Variants in DLGAP2 observed in about 807,000 individuals in gnomAD.
DLGAP2 encodes the protein disks large-associated protein 2.
Under a neutral mutation model 100.3 loss-of-function variants are expected in DLGAP2, and 26 were observed. The ratio of observed to expected loss-of-function variants is 0.26; its 90% CI spans 0.19 to 0.36. The LOEUF is 0.36. Ranked by LOEUF, DLGAP2 falls within the 10% of genes least tolerant of loss-of-function variation. DLGAP2 has a pLI of 1.00. For synonymous variants in DLGAP2, 886 were observed against 630.1 expected, an observed-to-expected ratio of 1.41 and a Z score of -6.08; for missense variants, 1,858 against 1,453.2, an observed-to-expected ratio of 1.28 and a Z score of -4.53.
intron 5 of DLGAP2, among the ~76,000 whole-genome samples, chr8:1,556,258 C>T (rs1420051600): frequency 2.0e-5 from 3 of 152,172 alleles, no homozygotes; most frequent in Non-Finnish European, 4.4e-5. Context: ...AGATGGGGTC[C>T]GGCTCTGTCC....
At chr8:1,202,912 G>A (rs768478983) in intron 2 of DLGAP2, among the ~76,000 whole-genome samples, 19 of 152,334 alleles carry the variant, frequency 1.2e-4, no homozygotes, top group African/African-American at 3.1e-4. Context: ...CAAGGCGCAC[G>A]CATTTTTCAC....
Position 1,049,790 on chromosome 8 carries a change from G to A in DLGAP2, c.73+141824G>A, listed in dbSNP as rs113785591. Reference sequence around the variant, plus strand: ...TAGACACAGGCACATGCACACATGAGTGCAGGCAGTAACAGGTGTGCATAC... The same window carrying A: ...TAGACACAGGCACATGCACACATGAATGCAGGCAGTAACAGGTGTGCATAC... On this transcript the variant is annotated intron_variant, in intron 2 of 14. Coordinates refer to ENST00000637795, the MANE Select transcript of DLGAP2 (RefSeq NM_001346810.2). Among the ~76,000 whole-genome samples the A allele has an allele frequency of 8.5e-3, 1,292 of 152,224 alleles. 21 individuals are homozygous for A. The highest frequency in any genetic ancestry group is 0.028 in the African/African-American group (1,180 of 41,516).
At chr8:1,136,720 G>A (rs538537324) in intron 2 of DLGAP2, among the ~76,000 whole-genome samples, 5 of 152,312 alleles carry the variant, frequency 3.3e-5, no homozygotes, top group Admixed American at 1.3e-4. Flanking sequence ...GGAACCACCC[G>A]AAGCCAGCTC....
chr8:1,079,411 T>C (rs569541537), intron 2 of DLGAP2, among the ~76,000 whole-genome samples: 1 of 152,350 alleles, frequency 6.6e-6, no homozygotes, highest in South Asian at 2.1e-4. Flanking sequence ...TAAGTTCTTC[T>C]GCATTATTTT....
rs144161638 is a variant in DLGAP2 at position 863,509 on chromosome 8, C to G, written c.19-44403C>G. Among the ~76,000 whole-genome samples, 622 of 152,328 alleles carry G rather than the reference C, an allele frequency of 4.1e-3. 3 individuals are homozygous for G. The highest frequency in any genetic ancestry group is 0.02 in the Middle Eastern group (6 of 294). ...CACTTGGAATTAAAATTTCAGGATG[C>G]TGGATATTAACCGCTGTCAGATGCA... On this transcript the variant is annotated intron_variant, in intron 1 of 14. Transcript: ENST00000637795.
chr8:977,440 C>T (rs2129013408), intron 2 of DLGAP2, among the ~76,000 whole-genome samples: 1 of 152,334 alleles, frequency 6.6e-6, no homozygotes, highest in East Asian at 1.9e-4. Context: ...AACTAGGTTT[C>T]TGACCCCTGT....
chr8:1,428,863 C>G (rs972569242), intron 3 of DLGAP2, among the ~76,000 whole-genome samples: 1 of 152,212 alleles, frequency 6.6e-6, no homozygotes, highest in Non-Finnish European at 1.5e-5. Context: ...TGCTCACTCA[C>G]CAGCTAGGTG....
chr8:1,407,909 G>C (rs1796615483), intron 3 of DLGAP2, among the ~76,000 whole-genome samples: 1 of 151,586 alleles, frequency 6.6e-6, no homozygotes, highest in African/African-American at 2.4e-5. Flanking sequence ...ATTGAGTGCT[G>C]ACTGAGTACC....
chr8:902,951 C>T (rs1485032979), intron 1 of DLGAP2, among the ~76,000 whole-genome samples: 1 of 41,642 alleles, frequency 2.4e-5, no homozygotes, highest in African/African-American at 1.0e-4. Context: ...TGGGTGGGGG[C>T]GGGGGCGGTG....
intron 3 of DLGAP2, among the ~76,000 whole-genome samples, chr8:1,470,046 C>G (rs529170737): frequency 1.1e-3 from 165 of 152,040 alleles, no homozygotes; most frequent in Middle Eastern, 6.8e-3. Context: ...CCTGCGATCC[C>G]AGCTGCTCAT....
intron 6 of DLGAP2, among the ~76,000 whole-genome samples, chr8:1,587,123 A>G (rs1252608173): frequency 3.9e-5 from 6 of 152,260 alleles, no homozygotes; most frequent in Non-Finnish European, 7.3e-5. Flanking sequence ...AAAACATCCT[A>G]CTTCCAAAGG....
intron 2 of DLGAP2, among the ~76,000 whole-genome samples, chr8:1,150,671 T>C (rs1796683069): frequency 6.6e-6 from 1 of 152,220 alleles, no homozygotes; most frequent in Admixed American, 6.5e-5. Flanking sequence ...TGGAGGTTAT[T>C]CTAATGCTAG....
At chr8:1,633,602 C>T (rs1476794430) in intron 8 of DLGAP2, among the ~76,000 whole-genome samples, 3 of 152,140 alleles carry the variant, frequency 2.0e-5, no homozygotes, top group African/African-American at 4.8e-5. Flanking sequence ...GAAAATTTAC[C>T]GCCCAACCTA....
chr8:910,098 G>A (rs1798455054), intron 2 of DLGAP2, among the ~76,000 whole-genome samples: 1 of 152,200 alleles, frequency 6.6e-6, no homozygotes, highest in Admixed American at 6.5e-5. Context: ...GATGGAGGGT[G>A]GGGACGGCTG....
chr8:1,287,482 GTGTGTGTGTGTGTGGTTCT>G (rs1799953902), intron 3 of DLGAP2, among the ~76,000 whole-genome samples: 1 of 53,832 alleles, frequency 1.9e-5, no homozygotes, highest in African/African-American at 1.3e-4. Context: ...GTGTGTGTGT[GTGTGTGTGTGTGTGGTTCT>G]GTTAGGAGGG....
intron 2 of DLGAP2, chr8:1,250,690 C>G (rs1216661850): frequency 6.6e-6 from 1 of 152,056 alleles, no homozygotes; most frequent in Non-Finnish European, 1.5e-5. Flanking sequence ...TAAAGCCAGT[C>G]ACTCCTGGGT....
intron 1 of DLGAP2, among the ~76,000 whole-genome samples, chr8:857,727 G>A (rs1331656111): frequency 1.3e-5 from 2 of 152,128 alleles, no homozygotes; most frequent in Non-Finnish European, 2.9e-5. Flanking sequence ...CCTCACTGTG[G>A]GGAGTGCAAA....
At chr8:1,298,709 C>G (rs1040023711) in intron 3 of DLGAP2, among the ~76,000 whole-genome samples, 1 of 152,142 alleles carries the variant, frequency 6.6e-6, no homozygotes, top group Admixed American at 6.5e-5. Flanking sequence ...TGCATGCATG[C>G]CAGAGGGGAA....
chr8:1,579,398 A>G (rs948158186), intron 6 of DLGAP2, among the ~76,000 whole-genome samples: 18 of 152,286 alleles, frequency 1.2e-4, no homozygotes, highest in African/African-American at 3.6e-4. Context: ...GTATCTGGGC[A>G]TGATTCCATG....
Sources: allele counts gnomAD v4.1 joint callset (sites outside exome capture counted in the v4.1 genomes callset), GRCh38; gene constraint gnomAD v4.1.1; transcripts MANE v1.5; gene names NCBI Gene and HGNC (gene_info 2026-07-23, HGNC 2026-07-21).